DENND1B: variants seen among roughly 807,000 people sequenced by gnomAD.
DENND1B encodes DENN domain containing 1B.
A neutral mutation model predicts 90.1 loss-of-function variants in DENND1B; 59 were observed. That is an observed-to-expected ratio of 0.65 (90% CI 0.53 to 0.81). DENND1B has a LOEUF of 0.81. Among genes scored for constraint, DENND1B ranks in the 40% least tolerant of loss-of-function variants. The pLI is 0.00. For synonymous variants in DENND1B, 337 were observed against 324.6 expected (o/e 1.04, Z -0.41); for missense variants, 862 against 912.6 (o/e 0.94, Z 0.71).
At chr1:197,621,263 TG>T (rs1462623617) in intron 10 of DENND1B, among the ~76,000 whole-genome samples, 1 of 150,870 alleles carries the variant, frequency 6.6e-6, no homozygotes, top group African/African-American at 2.4e-5. Flanking sequence ...ACTATTTACC[TG>T]GAACATTTGA....
chr1:197,767,692 C>T (rs557032011), intron 2 of DENND1B, among the ~76,000 whole-genome samples: 163 of 152,104 alleles, frequency 1.1e-3, no homozygotes, highest in African/African-American at 3.7e-3. Flanking sequence ...GATGCAAATC[C>T]TAAAAATGAA....
chr1:197,692,327 G>A (rs551076346), intron 3 of DENND1B, among the ~76,000 whole-genome samples: 1 of 151,922 alleles, frequency 6.6e-6, no homozygotes, highest in African/African-American at 2.4e-5. Flanking sequence ...TGATGTGGAA[G>A]CCTCCTAAAT....
intron 13 of DENND1B, among the ~76,000 whole-genome samples, chr1:197,601,676 A>G (rs1008587811): frequency 2.0e-5 from 3 of 151,620 alleles, no homozygotes; most frequent in Admixed American, 6.6e-5. Flanking sequence ...ACAAACAATA[A>G]ATCAACTTTA....
At chr1:197,538,395 G>T (rs1043773194) in intron 20 of DENND1B, among the ~76,000 whole-genome samples, 2 of 152,048 alleles carry the variant, frequency 1.3e-5, no homozygotes, top group Admixed American at 6.5e-5. Flanking sequence ...AACAAGAAAA[G>T]GTTTCTGACT....
At chr1:197,560,733 T>A (rs754151711) in intron 15 of DENND1B, among the ~76,000 whole-genome samples, 1 of 151,892 alleles carries the variant, frequency 6.6e-6, no homozygotes, top group Admixed American at 6.6e-5. Flanking sequence ...CAACCTCCAA[T>A]AGGATTTGAA....
chr1:197,608,866 T>A (rs1277850939), intron 12 of DENND1B, among the ~76,000 whole-genome samples: 1 of 150,494 alleles, frequency 6.6e-6, no homozygotes, highest in Non-Finnish European at 1.5e-5. Context: ...AAGGGACCAC[T>A]CGAAAAAGAA....
At chr1:197,673,225 A>G (rs1374989708) in intron 4 of DENND1B, among the ~76,000 whole-genome samples, 1 of 151,908 alleles carries the variant, frequency 6.6e-6, no homozygotes, top group Non-Finnish European at 1.5e-5. Flanking sequence ...TCCTTTTTGT[A>G]GCTGGATCCT....
intron 13 of DENND1B, among the ~76,000 whole-genome samples, chr1:197,603,061 T>C (rs934054998): frequency 6.6e-6 from 1 of 151,444 alleles, no homozygotes; most frequent in Non-Finnish European, 1.5e-5. Context: ...AATATAGCTA[T>C]CCTGTAACAT....
At chr1:197,678,286 T>C (rs1017512235) in intron 3 of DENND1B, among the ~76,000 whole-genome samples, 1 of 152,214 alleles carries the variant, frequency 6.6e-6, no homozygotes, top group Non-Finnish European at 1.5e-5. Context: ...ATTATGTTTA[T>C]ACTAAAGTTC....
Position 197,703,536 on chromosome 1 carries a change from TTCA to T in DENND1B, c.126+11492_126+11494del, listed in dbSNP as rs1400839796. The stretch of plus-strand genomic sequence containing the variant: ...ACCATAAATGATTATGGTATTACTT[TTCA>T]TCATCATCATTTTGACTTTGCAGAC... On this transcript the variant is annotated intron_variant, in intron 3 of 22. Coordinates refer to ENST00000620048, the MANE Select transcript of DENND1B (RefSeq NM_001195215.2). 5.9e-5 allele frequency among the ~76,000 whole-genome samples: 9 copies of T among 152,182 alleles called. No individual in the cohort carries two copies. The East Asian group carries it at 1.7e-3, about 29-fold the overall frequency.
chr1:197,699,644 A>AT (rs1205674819), intron 3 of DENND1B, among the ~76,000 whole-genome samples: 1 of 152,168 alleles, frequency 6.6e-6, no homozygotes, highest in Non-Finnish European at 1.5e-5. Flanking sequence ...AGACAACATG[A>AT]TTTTATATTT....
intron 11 of DENND1B, among the ~76,000 whole-genome samples, chr1:197,612,881 G>A (rs1174001090): frequency 2.0e-5 from 3 of 150,412 alleles, no homozygotes; most frequent in South Asian, 2.1e-4. Flanking sequence ...TACTTCTCAC[G>A]AAATACAAGA....
chr1:197,529,007 C>A (rs1013668572), intron 20 of DENND1B, among the ~76,000 whole-genome samples: 1 of 151,706 alleles, frequency 6.6e-6, no homozygotes, highest in Non-Finnish European at 1.5e-5. Context: ...GACTATTAAA[C>A]ATATTTCTAT....
chr1:197,705,233 C>T (rs1659411428), intron 3 of DENND1B, among the ~76,000 whole-genome samples: 1 of 151,962 alleles, frequency 6.6e-6, no homozygotes, highest in Admixed American at 6.6e-5. Context: ...CAATAAATTC[C>T]CTAAAAAGTA....
chr1:197,605,092 A>G (rs1199217357), intron 13 of DENND1B, among the ~76,000 whole-genome samples: 1 of 149,550 alleles, frequency 6.7e-6, no homozygotes, highest in Non-Finnish European at 1.5e-5. Context: ...ATATTTAGTT[A>G]ATCAATCTAC....
At chr1:197,769,985 T>G (rs1320779587) in intron 2 of DENND1B, among the ~76,000 whole-genome samples, 1 of 152,128 alleles carries the variant, frequency 6.6e-6, no homozygotes, top group Non-Finnish European at 1.5e-5. Flanking sequence ...CCTCTTATAG[T>G]TATTGATTTT....
intron 5 of DENND1B, among the ~76,000 whole-genome samples, chr1:197,662,490 G>T (rs1385457539): frequency 6.6e-6 from 1 of 152,020 alleles, no homozygotes; most frequent in African/African-American, 2.4e-5. Flanking sequence ...TAATCAACCT[G>T]AGTAATATAT....
intron 7 of DENND1B, among the ~76,000 whole-genome samples, chr1:197,649,089 C>G (rs1652816213): frequency 6.6e-6 from 1 of 152,146 alleles, no homozygotes; most frequent in Admixed American, 6.5e-5. Flanking sequence ...GAAGACTGAG[C>G]AAGTTCTAGA....
At chr1:197,557,503 G>C (rs1030632660) in intron 15 of DENND1B, among the ~76,000 whole-genome samples, 1 of 151,828 alleles carries the variant, frequency 6.6e-6, no homozygotes, top group South Asian at 2.1e-4. Flanking sequence ...TACTAACCTT[G>C]TGATTTGAGC....
Sources: gnomAD v4.1 joint callset for allele counts (sites outside exome capture counted in the v4.1 genomes callset) on GRCh38, gnomAD v4.1.1 for gene constraint, MANE v1.5 for transcripts, NCBI Gene and HGNC (gene_info 2026-07-23, HGNC 2026-07-21) for gene names.